Variants in EPCIP observed in about 807,000 individuals in gnomAD.
EPCIP encodes exosomal polycystin-1-interacting protein.
chr21:32,793,781 A>G, the EPCIP span: 128 of 1,614,116 alleles, frequency 7.9e-5, no homozygotes, highest in Admixed American at 1.2e-3. Flanking sequence ...AAATGTGACA[A>G]CATAGCTTTT....
chr21:32,811,253 C>G, the EPCIP span, among the ~76,000 whole-genome samples: 3 of 152,088 alleles, frequency 2.0e-5, no homozygotes, highest in African/African-American at 7.2e-5. Context: ...GCCTCAACCT[C>G]CCGAGTAGTT....
chr21:32,793,818 A>C, the EPCIP span: 2 of 1,614,230 alleles, frequency 1.2e-6, no homozygotes, highest in Non-Finnish European at 1.7e-6. Flanking sequence ...AAGGTTCTAA[A>C]GTAAGAAAAG....
the EPCIP span, among the ~76,000 whole-genome samples, chr21:32,799,659 C>T: frequency 1.3e-5 from 2 of 152,164 alleles, no homozygotes; most frequent in African/African-American, 4.8e-5. Context: ...ATAAAAATCA[C>T]AGCCAGGCAT....
the EPCIP span, chr21:32,798,104 G>GT: frequency 6.6e-6 from 1 of 152,232 alleles, no homozygotes; most frequent in Non-Finnish European, 1.5e-5. Context: ...GGAGGCTGAG[G>GT]TAGGAGGATT....
the EPCIP span, among the ~76,000 whole-genome samples, chr21:32,802,382 G>C: frequency 1.3e-5 from 2 of 152,180 alleles, no homozygotes; most frequent in African/African-American, 2.4e-5. Context: ...TGTGAGGTAA[G>C]CTCCCTCTTT....
At chr21:32,812,908 A>G in the EPCIP span, among the ~76,000 whole-genome samples, 1 of 152,308 alleles carries the variant, frequency 6.6e-6, no homozygotes, top group Admixed American at 6.5e-5. Flanking sequence ...TACATTATTT[A>G]TCATGCTTTT....
the EPCIP span, among the ~76,000 whole-genome samples, chr21:32,801,807 C>G: frequency 6.6e-6 from 1 of 151,834 alleles, no homozygotes; most frequent in Non-Finnish European, 1.5e-5. Context: ...TGCGCCATTG[C>G]ACTCCAGCCT....
chr21:32,796,840 G>C, the EPCIP span: 1 of 372,442 alleles, frequency 2.7e-6, no homozygotes, highest in Non-Finnish European at 5.4e-6. Context: ...TGTCAATACT[G>C]TTGGCCCACC....
chr21:32,796,376 G>A, the EPCIP span, among the ~76,000 whole-genome samples: 13 of 152,268 alleles, frequency 8.5e-5, no homozygotes, highest in Admixed American at 2.6e-4. Flanking sequence ...AAAAGACCTG[G>A]ATCCTATCCT....
the EPCIP span, among the ~76,000 whole-genome samples, chr21:32,796,034 C>CTCCTTCCTTCCTTCCTTCCT: frequency 6.7e-6 from 1 of 148,452 alleles, no homozygotes; most frequent in Admixed American, 6.7e-5. Flanking sequence ...CCTTCCTTCC[C>CTCCTTCCTTCCTTCCTTCCT]TCCTTCCTTC....
At chr21:32,793,024 AT>A in the EPCIP span, among the ~76,000 whole-genome samples, 2 of 151,482 alleles carry the variant, frequency 1.3e-5, no homozygotes, top group African/African-American at 4.9e-5. Context: ...CAGTGGCACG[AT>A]TTTGGCTCAC....
At chr21:32,797,527 G>T in the EPCIP span, 1 of 158,570 alleles carries the variant, frequency 6.3e-6, no homozygotes. Context: ...TGGGATTACA[G>T]GCATGAGCCA....
the EPCIP span, among the ~76,000 whole-genome samples, chr21:32,809,223 G>GTGTGTGTGTGT: frequency 2.7e-5 from 4 of 145,962 alleles, no homozygotes; most frequent in East Asian, 4.0e-4. Context: ...GTGTGTGTGT[G>GTGTGTGTGTGT]ATGTCTCACT....
At chr21:32,804,229 A>T in the EPCIP span, among the ~76,000 whole-genome samples, 1 of 151,488 alleles carries the variant, frequency 6.6e-6, no homozygotes, top group East Asian at 1.9e-4. Flanking sequence ...GGCACAGGAT[A>T]ATAATCCAAC....
chr21:32,796,926 C>T, the EPCIP span: 2 of 468,456 alleles, frequency 4.3e-6, no homozygotes, highest in Non-Finnish European at 8.9e-6. Context: ...AAGTGTCTGC[C>T]TCCCTGTTTC....
At chr21:32,796,977 G>C in the EPCIP span, 20 of 463,518 alleles carry the variant, frequency 4.3e-5, no homozygotes, top group East Asian at 1.4e-3. Flanking sequence ...AAGAGGAAAA[G>C]AGATCAGAAG....
chr21:32,809,267 C>CCCTT, the EPCIP span, among the ~76,000 whole-genome samples: 1 of 79,454 alleles, frequency 1.3e-5, no homozygotes, highest in African/African-American at 4.3e-5. Flanking sequence ...TTTCTTTCTT[C>CCCTT]CCTCCCTCCT....
chr21:32,804,564 A>G, the EPCIP span, among the ~76,000 whole-genome samples: 1 of 152,056 alleles, frequency 6.6e-6, no homozygotes, highest in Non-Finnish European at 1.5e-5. Context: ...CATAGTGATA[A>G]CAAATGTATT....
At chr21:32,794,086 GA>G in the EPCIP span, 1 of 1,614,226 alleles carries the variant, frequency 6.2e-7, no homozygotes, top group East Asian at 2.2e-5. Flanking sequence ...ATTCAGTGGG[GA>G]GAGTGTTGGT....
Sources: allele counts gnomAD v4.1 joint callset (sites outside exome capture counted in the v4.1 genomes callset), GRCh38; gene constraint gnomAD v4.1.1; transcripts MANE v1.5; gene names NCBI Gene and HGNC (gene_info 2026-07-23, HGNC 2026-07-21).